Variants in CLDN16 observed in about 807,000 individuals in gnomAD.
CLDN16 encodes the protein claudin 16.
In CLDN16, 13 loss-of-function variants were observed where a neutral mutation model predicts 24.6. The observed-to-expected ratio is 0.53, with a 90% CI of 0.34 to 0.84. The LOEUF is 0.84. CLDN16 is among the 40% of genes least tolerant of loss of function. The pLI, the probability that CLDN16 is intolerant of heterozygous loss-of-function variation, is 0.01. For synonymous variants in CLDN16, 116 were observed against 106.7 expected (o/e 1.09, Z -0.54); for missense variants, 298 against 292.7 (o/e 1.02, Z -0.13).
chr3:190,388,350 C>T lies in CLDN16; in HGVS notation c.21C>T (p.Tyr7=), dbSNP rs1428685975. The change falls in exon 1 of 5, where the codon TAC becomes TAT. Residue 7 remains tyrosine, a synonymous_variant. Coordinates refer to ENST00000264734, the MANE Select transcript of CLDN16 (RefSeq NM_006580.4). MRDLLQ[Y]IACFFAFFSA... Reference sequence around the variant, plus strand: ...CCACAATGAGGGATCTTCTTCAATACATCGCTTGCTTCTTTGCCTTTTTCT... The same window carrying T: ...CCACAATGAGGGATCTTCTTCAATATATCGCTTGCTTCTTTGCCTTTTTCT... 1.2e-6 allele frequency: 2 copies of T among 1,614,120 alleles called. No individual in the cohort carries two copies. The highest frequency in any genetic ancestry group is 1.7e-6 in the Non-Finnish European group (2 of 1,179,994).
At chr3:190,307,101 C>T in the CLDN16 span, 1 of 152,564 alleles carries the variant, frequency 6.6e-6, no homozygotes, top group Admixed American at 6.6e-5. Context: ...TTCACACTAC[C>T]TCTTCTAACT....
At chr3:190,332,138 C>CT (rs1279761553) in intron 1 of CLDN16, among the ~76,000 whole-genome samples, 2 of 152,096 alleles carry the variant, frequency 1.3e-5, no homozygotes, top group African/African-American at 4.8e-5. Flanking sequence ...TAACATATCT[C>CT]TGAGTTTGAA....
rs571005836 is a variant in CLDN16 at position 190,388,763 on chromosome 3, A to G, written c.114+320A>G. Among the ~76,000 whole-genome samples, 11 of 152,262 alleles carry G rather than the reference A, an allele frequency of 7.2e-5. No homozygotes were observed. In the East Asian group the frequency reaches 2.1e-3, roughly 29 times the overall value. ...AAATTCACGTCTTCCATTGCTGCATATATCATATTGAGTAACATTTCAGTA... is the reference window on the plus strand; with the variant it reads ...AAATTCACGTCTTCCATTGCTGCATGTATCATATTGAGTAACATTTCAGTA... On this transcript the variant is annotated intron_variant, in intron 1 of 4. Transcript: ENST00000264734.
intron 1 of CLDN16, among the ~76,000 whole-genome samples, chr3:190,359,644 G>A (rs1029633428): frequency 1.3e-5 from 2 of 151,994 alleles, no homozygotes; most frequent in Non-Finnish European, 2.9e-5. Flanking sequence ...ACAGTCCAAT[G>A]GTTGAGTCAG....
At chr3:190,290,795 T>G in the CLDN16 span, among the ~76,000 whole-genome samples, 1 of 152,212 alleles carries the variant, frequency 6.6e-6, no homozygotes, top group Non-Finnish European at 1.5e-5. Context: ...GAAGAGGAAT[T>G]AATTGCTTTT....
intron 1 of CLDN16, among the ~76,000 whole-genome samples, chr3:190,348,117 C>T (rs144571866): frequency 3.1e-4 from 46 of 148,714 alleles, no homozygotes; most frequent in African/African-American, 1.0e-3. Flanking sequence ...TTAGCTGGCA[C>T]GGTGGCACTT....
chr3:190,401,882 C>T (rs1430209237), intron 1 of CLDN16, among the ~76,000 whole-genome samples: 1 of 151,784 alleles, frequency 6.6e-6, no homozygotes, highest in Non-Finnish European at 1.5e-5. Context: ...TCATGGAACT[C>T]AGTATTCGTG....
chr3:190,377,622 A>T (rs1718273571), intron 3 of CLDN16, among the ~76,000 whole-genome samples: 1 of 152,072 alleles, frequency 6.6e-6, no homozygotes, highest in Non-Finnish European at 1.5e-5. Context: ...AATCACTATG[A>T]AAAGCTCTAA....
intron 1 of CLDN16, among the ~76,000 whole-genome samples, chr3:190,327,798 G>A (rs1717099505): frequency 6.6e-6 from 1 of 152,216 alleles, no homozygotes; most frequent in South Asian, 2.1e-4. Context: ...CAGTAAGTGA[G>A]GGGTAACTAA....
intron 1 of CLDN16, chr3:190,370,811 G>A (rs1305441809): frequency 6.6e-6 from 1 of 151,622 alleles, no homozygotes; most frequent in Non-Finnish European, 1.5e-5. Flanking sequence ...CTGCCAGTGT[G>A]GCCAGAATAT....
At chr3:190,298,703 G>A in the CLDN16 span, among the ~76,000 whole-genome samples, 5 of 151,976 alleles carry the variant, frequency 3.3e-5, no homozygotes, top group South Asian at 1.0e-3. Flanking sequence ...CTCCCAAAGT[G>A]CTGGGATTAC....
chr3:190,299,618 A>ATGTT, the CLDN16 span, among the ~76,000 whole-genome samples: 4 of 152,134 alleles, frequency 2.6e-5, 1 homozygote, highest in Middle Eastern at 6.8e-3. Context: ...GTTAGAGACC[A>ATGTT]TGTTTGTTTG....
chr3:190,370,680 G>A lies in CLDN16; in HGVS notation n.122-213G>A, dbSNP rs1480646612. Among the ~76,000 whole-genome samples the A allele has an allele frequency of 2.6e-5, 4 of 152,066 alleles. 1 individual carries two copies. The highest frequency in any genetic ancestry group is 7.2e-5 in the African/African-American group (3 of 41,530). On this transcript the variant is annotated intron_variant and non_coding_transcript_variant, in intron 1 of 4. Coordinates refer to the CLDN16 transcript ENST00000468220. ...TGAGTGTCAACTTGACTGGATTGAA[G>A]GATGCAAAGTATTGATTCCTGGTGT...
chr3:190,314,847 G>A, the CLDN16 span, among the ~76,000 whole-genome samples: 11 of 152,240 alleles, frequency 7.2e-5, no homozygotes, highest in Admixed American at 5.2e-4. Context: ...CTCCTCATAA[G>A]CATGTATGGG....
chr3:190,390,315 T>A (rs1718617537), intron 1 of CLDN16, among the ~76,000 whole-genome samples: 1 of 152,182 alleles, frequency 6.6e-6, no homozygotes, highest in Non-Finnish European at 1.5e-5. Flanking sequence ...GGCGGGCAGA[T>A]CACAGGTCAA....
intron 1 of CLDN16, among the ~76,000 whole-genome samples, chr3:190,392,855 T>C (rs1262575736): frequency 6.6e-6 from 1 of 152,180 alleles, no homozygotes; most frequent in South Asian, 2.1e-4. Flanking sequence ...ATGTAAAATA[T>C]AGATCTTATA....
chr3:190,329,799 G>A (rs1717143559), intron 1 of CLDN16, among the ~76,000 whole-genome samples: 1 of 152,194 alleles, frequency 6.6e-6, no homozygotes, highest in African/African-American at 2.4e-5. Flanking sequence ...ACTCTGAACA[G>A]TGAAGAATGC....
intron 1 of CLDN16, among the ~76,000 whole-genome samples, chr3:190,366,042 C>A (rs1718015449): frequency 6.6e-6 from 1 of 151,852 alleles, no homozygotes; most frequent in South Asian, 2.1e-4. Context: ...AGTACATCAG[C>A]CCAGATATTG....
chr3:190,323,278 G>T (rs1387928264), intron 1 of CLDN16, among the ~76,000 whole-genome samples: 1 of 152,168 alleles, frequency 6.6e-6, no homozygotes, highest in Non-Finnish European at 1.5e-5. Flanking sequence ...CTCCCTGAAA[G>T]GTGTTAATTT....
Sources: gnomAD v4.1 joint callset for allele counts (sites outside exome capture counted in the v4.1 genomes callset) on GRCh38, gnomAD v4.1.1 for gene constraint, MANE v1.5 for transcripts, NCBI Gene and HGNC (gene_info 2026-07-23, HGNC 2026-07-21) for gene names.